The following NEIL3 variants were observed in gnomAD, a reference collection of about 807,000 sequenced individuals.
NEIL3 encodes nei like DNA glycosylase 3, also known as endonuclease 8-like 3.
Under a neutral mutation model 57.5 loss-of-function variants are expected in NEIL3, and 48 were observed. That is an observed-to-expected ratio of 0.83 (90% confidence interval 0.66 to 1.06). NEIL3 has a LOEUF of 1.06. NEIL3 is among the 50% of genes least tolerant of loss of function. The probability of loss-of-function intolerance (pLI) is 0.00; values close to 1 mark genes in which losing one functional copy is unlikely to be tolerated. For missense variants in NEIL3, 717 were observed against 739.1 expected (o/e 0.97, Z 0.35); for synonymous variants, 261 against 253.2 (o/e 1.03, Z -0.29).
intron 6 of NEIL3, among the ~76,000 whole-genome samples, chr4:177,348,908 C>G (rs1205523960): frequency 8.3e-6 from 1 of 120,840 alleles, no homozygotes; most frequent in Admixed American, 1.1e-4. Context: ...CGCTCTGTCA[C>G]CCAGGCTGGA....
At chr4:177,336,830 G>A (rs1171056684) in intron 4 of NEIL3, among the ~76,000 whole-genome samples, 1 of 152,060 alleles carries the variant, frequency 6.6e-6, no homozygotes, top group East Asian at 1.9e-4. Flanking sequence ...TTCTGCACAC[G>A]CTTGTGTATT....
At chr4:177,333,013 T>C (rs1209614211) in intron 2 of NEIL3, among the ~76,000 whole-genome samples, 1 of 151,756 alleles carries the variant, frequency 6.6e-6, no homozygotes, top group African/African-American at 2.4e-5. Flanking sequence ...TCCTAAGTAG[T>C]AGCAGAACTC....
chr4:177,349,100 T>A (rs867916159), intron 6 of NEIL3, among the ~76,000 whole-genome samples: 72 of 147,420 alleles, frequency 4.9e-4, no homozygotes, highest in Middle Eastern at 7.2e-3. Flanking sequence ...GCCAGGATGG[T>A]CTCGATCTCC....
intron 8 of NEIL3, 37 bp downstream of exon 8, chr4:177,353,765 CTT>C (rs377620463): frequency 0.047 from 54,212 of 1,152,712 alleles, no homozygotes; most frequent in Admixed American, 0.053. Context: ...AAGATAATTG[CTT>C]TTTTTTTTTT....
intron 2 of NEIL3, 143 bp downstream of exon 2, chr4:177,322,723 C>G: frequency 1.1e-6 from 1 of 896,222 alleles, no homozygotes; most frequent in Non-Finnish European, 1.7e-6. Context: ...GGTTGTGATT[C>G]TATCATGGAA....
At chr4:177,323,700 G>A (rs1453838981) in intron 2 of NEIL3, among the ~76,000 whole-genome samples, 1 of 152,192 alleles carries the variant, frequency 6.6e-6, no homozygotes, top group East Asian at 1.9e-4. Flanking sequence ...GGATAGAGTA[G>A]TACACAATGG....
At chr4:177,314,099 T>C (rs2111109185) in intron 1 of NEIL3, among the ~76,000 whole-genome samples, 1 of 152,314 alleles carries the variant, frequency 6.6e-6, no homozygotes, top group South Asian at 2.1e-4. Flanking sequence ...TCTTTAAGCA[T>C]CTGAAGGGGA....
chr4:177,356,674 G>A (rs1411445243), intron 8 of NEIL3, among the ~76,000 whole-genome samples: 2 of 151,954 alleles, frequency 1.3e-5, no homozygotes, highest in East Asian at 3.9e-4. Flanking sequence ...TTTGACTTTT[G>A]TTCTCTTAAT....
intron 1 of NEIL3, among the ~76,000 whole-genome samples, chr4:177,316,120 A>C (rs2111111052): frequency 6.6e-6 from 1 of 152,320 alleles, no homozygotes; most frequent in East Asian, 1.9e-4. Context: ...AATAACTAAT[A>C]ATAGAACAGT....
At chr4:177,361,775 T>G (rs929660636) in intron 9 of NEIL3, among the ~76,000 whole-genome samples, 1 of 152,138 alleles carries the variant, frequency 6.6e-6, no homozygotes, top group Non-Finnish European at 1.5e-5. Context: ...TCTTTGATCT[T>G]ACAGGGTTTT....
At chr4:177,365,054 A>G (rs1353016181), downstream of NEIL3, among the ~76,000 whole-genome samples, 1 of 152,206 alleles carries the variant, frequency 6.6e-6, no homozygotes, top group Non-Finnish European at 1.5e-5. Context: ...AGACTACAGC[A>G]GGTCCTTGAA....
chr4:177,337,793 T>G (rs1735066072), intron 4 of NEIL3, among the ~76,000 whole-genome samples: 1 of 151,972 alleles, frequency 6.6e-6, no homozygotes, highest in South Asian at 2.1e-4. Flanking sequence ...GGTCAAGAGG[T>G]GAGACCATCC....
chr4:177,346,977 A>G (rs72702971), intron 6 of NEIL3, among the ~76,000 whole-genome samples: 27,542 of 149,124 alleles, frequency 0.18, 3,147 homozygotes, highest in Admixed American at 0.3. Context: ...ACTTCACCCT[A>G]GGTAACAGAG....
chr4:177,355,666 A>G (rs564856128), intron 8 of NEIL3, among the ~76,000 whole-genome samples: 4 of 152,224 alleles, frequency 2.6e-5, no homozygotes, highest in African/African-American at 9.6e-5. Flanking sequence ...CTGTGCCTTT[A>G]CTGATGGGTA....
In NEIL3 at chr4:177,360,670, T is replaced by A. The variant is rs1220761825; in HGVS notation, c.1628T>A (p.Phe543Tyr). 2.5e-6 allele frequency: 4 copies of A among 1,606,756 alleles called. No individual in the cohort carries two copies. Among genetic ancestry groups the A allele is most frequent in the Admixed American group, 3.4e-5 (2 of 59,108 alleles). ...CPLPREAQCG[F>Y]FEWADLSFPF... ...CTACCTAGAGAAGCACAATGTGGAT[T>A]TTTTGAAGTATGTGTAAGATTTATC... is the stretch of plus-strand genomic sequence containing the variant. The change falls in exon 9 of 10, where the codon TTT becomes TAT. Residue 543 changes from phenylalanine (F) to tyrosine (Y), a missense_variant. Physicochemically the swap from Phe to Tyr is conservative, Grantham distance 22. Coordinates refer to ENST00000264596, the MANE Select transcript of NEIL3 (RefSeq NM_018248.3).
the NEIL3 span, among the ~76,000 whole-genome samples, chr4:177,369,043 ATC>A: frequency 6.6e-6 from 1 of 152,244 alleles, no homozygotes; most frequent in Admixed American, 6.5e-5. Flanking sequence ...AATTCAATTA[ATC>A]TCTGTTGAAC....
intron 1 of NEIL3, among the ~76,000 whole-genome samples, chr4:177,318,822 C>G (rs757717095): frequency 6.6e-6 from 1 of 152,110 alleles, no homozygotes; most frequent in Non-Finnish European, 1.5e-5. Flanking sequence ...TACTCTTTTT[C>G]CTTACTAGAA....
Position 177,335,824 on chromosome 4 carries a change from T to TA in NEIL3, c.413+10dup, listed in dbSNP as rs35737622. On this transcript the variant is annotated splice_region_variant and intron_variant, in intron 3 of 9. Transcript: ENST00000264596. ...CTTTGACTCATCAGTAGAACTCAGG[T>TA]AAAAAAAATTAAATAAAAGTACTTA... is the stretch of plus-strand genomic sequence containing the variant. 67,185 of 1,525,280 alleles carry TA rather than the reference T, an allele frequency of 0.044. 3,038 individuals are homozygous for TA. Among genetic ancestry groups the TA allele is most frequent in the East Asian group, 0.29 (12,427 of 42,836 alleles). The allele number at this position is 1,525,280 out of a possible 1,614,324, so 94.5% of individuals were successfully genotyped here.
chr4:177,360,426 G>A, intron 8 of NEIL3, 77 bp from the exon 9 acceptor site: 2 of 1,029,602 alleles, frequency 1.9e-6, no homozygotes, highest in Non-Finnish European at 2.7e-6. Context: ...GTGAAATTCT[G>A]ACATGTGGGG....
Sources: allele counts gnomAD v4.1 joint callset (sites outside exome capture counted in the v4.1 genomes callset), GRCh38; gene constraint gnomAD v4.1.1; transcripts MANE v1.5; gene names NCBI Gene and HGNC (gene_info 2026-07-23, HGNC 2026-07-21).